The following TRERF1 variants were observed in gnomAD, a reference collection of about 807,000 sequenced individuals.
The protein encoded by TRERF1 is transcriptional regulating factor 1, also known as transcriptional-regulating factor 1.
A neutral mutation model predicts 122.9 loss-of-function variants in TRERF1; 27 were observed. That is an observed-to-expected ratio of 0.22 (90% CI 0.16 to 0.30). The LOEUF is 0.30. Among genes scored for constraint, TRERF1 ranks in the 10% least tolerant of loss-of-function variants. The probability of loss-of-function intolerance (pLI) is 1.00; values close to 1 mark genes in which losing one functional copy is unlikely to be tolerated. For missense variants in TRERF1, 1,248 were observed against 1,560.3 expected, an observed-to-expected ratio of 0.80 and a Z score of 3.37; for synonymous variants, 636 against 641.7, an observed-to-expected ratio of 0.99 and a Z score of 0.13.
At chr6:42,373,611 G>A (rs1415035742) in intron 2 of TRERF1, among the ~76,000 whole-genome samples, 2 of 152,154 alleles carry the variant, frequency 1.3e-5, no homozygotes, top group African/African-American at 2.4e-5. Context: ...AGCTTGCAGT[G>A]AGCCGAGATG....
At chr6:42,349,323 A>T (rs1393454519) in intron 3 of TRERF1, among the ~76,000 whole-genome samples, 3 of 151,656 alleles carry the variant, frequency 2.0e-5, no homozygotes, top group Non-Finnish European at 2.9e-5. Context: ...ATCTCAGCTG[A>T]GCCCTGGGTA....
At chr6:42,315,008 G>A (rs1762256531) in intron 3 of TRERF1, among the ~76,000 whole-genome samples, 1 of 152,242 alleles carries the variant, frequency 6.6e-6, no homozygotes, top group Non-Finnish European at 1.5e-5. Context: ...GCATGAAGAT[G>A]TGAGGAGAGA....
intron 3 of TRERF1, among the ~76,000 whole-genome samples, chr6:42,332,542 G>T (rs1765425796): frequency 6.6e-6 from 1 of 152,162 alleles, no homozygotes; most frequent in Admixed American, 6.5e-5. Flanking sequence ...AGCTTCCTTG[G>T]GCAGCAGTCT....
intron 4 of TRERF1, among the ~76,000 whole-genome samples, chr6:42,299,106 G>GTA (rs1561938676): frequency 8.7e-6 from 1 of 114,690 alleles, no homozygotes; most frequent in South Asian, 2.5e-4. Context: ...CTGTCTGTCT[G>GTA]TCTGTCTGTC....
intron 7 of TRERF1, 89 bp downstream of exon 7, chr6:42,264,615 T>C: frequency 6.5e-7 from 1 of 1,544,404 alleles, no homozygotes; most frequent in Non-Finnish European, 8.7e-7. Flanking sequence ...AGGTCCCGCA[T>C]GGGGCTCACA....
intron 2 of TRERF1, among the ~76,000 whole-genome samples, chr6:42,382,197 A>T (rs1311034659): frequency 6.6e-6 from 1 of 151,216 alleles, no homozygotes; most frequent in Admixed American, 6.6e-5. Flanking sequence ...TTGGACATGG[A>T]AGGCCACCCA....
rs1343646533 is a variant in TRERF1 at position 42,408,355 on chromosome 6, G to GTATA, written c.-454+42818_-454+42821dup. On this transcript the variant is annotated intron_variant, in intron 2 of 17. Coordinates refer to ENST00000372922, the Ensembl canonical transcript of TRERF1. ...TATATACATACACGTGTGTGTGTGT[G>GTATA]TATATATATATATATATCTTTTTTT... 2.1e-3 allele frequency among the ~76,000 whole-genome samples: 219 copies of GTATA among 102,468 alleles called. 6 individuals are homozygous for GTATA. Among genetic ancestry groups the GTATA allele is most frequent in the African/African-American group, 6.6e-3 (173 of 26,204 alleles). The allele number at this position is 102,468 out of a possible 152,430, so 67.2% of individuals were successfully genotyped here.
chr6:42,434,307 T>C (rs760764626), intron 2 of TRERF1, among the ~76,000 whole-genome samples: 2 of 151,710 alleles, frequency 1.3e-5, no homozygotes, highest in Non-Finnish European at 2.9e-5. Flanking sequence ...AGCCATGATT[T>C]ACAGATGCAC....
At chr6:42,369,252 C>T (rs1327159662) in intron 2 of TRERF1, among the ~76,000 whole-genome samples, 1 of 152,098 alleles carries the variant, frequency 6.6e-6, no homozygotes, top group Non-Finnish European at 1.5e-5. Context: ...GAGCTCCAGA[C>T]CAGCCTGGCC....
At chr6:42,397,048 T>C (rs1186189141) in intron 2 of TRERF1, among the ~76,000 whole-genome samples, 9 of 152,006 alleles carry the variant, frequency 5.9e-5, no homozygotes, top group Admixed American at 1.3e-4. Context: ...GACCCCAATA[T>C]AGAGAACAGA....
intron 3 of TRERF1, among the ~76,000 whole-genome samples, chr6:42,361,332 AT>A (rs1356739102): frequency 1.3e-5 from 2 of 152,236 alleles, no homozygotes; most frequent in Non-Finnish European, 2.9e-5. Flanking sequence ...CATCTATGGC[AT>A]TCTGTTATAA....
chr6:42,319,308 A>T (rs146791178), intron 3 of TRERF1, among the ~76,000 whole-genome samples: 1 of 152,224 alleles, frequency 6.6e-6, no homozygotes, highest in Non-Finnish European at 1.5e-5. Flanking sequence ...TACTGCCCCC[A>T]TTAAAGATGC....
chr6:42,339,202 G>A (rs901556178), intron 3 of TRERF1, among the ~76,000 whole-genome samples: 2 of 152,180 alleles, frequency 1.3e-5, no homozygotes, highest in African/African-American at 4.8e-5. Context: ...TGGTTTATGA[G>A]AAAATGTGTT....
chr6:42,241,476 T>C (rs1157177911), intron 15 of TRERF1, among the ~76,000 whole-genome samples: 2 of 152,188 alleles, frequency 1.3e-5, no homozygotes, highest in African/African-American at 4.8e-5. Context: ...AATTTTTTTT[T>C]TTCAGATGGA....
intron 3 of TRERF1, among the ~76,000 whole-genome samples, chr6:42,303,654 C>G (rs112809519): frequency 3.9e-5 from 6 of 152,274 alleles, no homozygotes; most frequent in African/African-American, 1.4e-4. Context: ...TGGGTCCCAC[C>G]TGTAATCCCA....
At chr6:42,377,625 T>TA in intron 2 of TRERF1, among the ~76,000 whole-genome samples, 1 of 152,328 alleles carries the variant, frequency 6.6e-6, no homozygotes, top group South Asian at 2.1e-4. Context: ...GCTTGGGCAG[T>TA]ATGAACATTT....
intron 3 of TRERF1, among the ~76,000 whole-genome samples, chr6:42,314,498 C>T (rs2150378339): frequency 6.6e-6 from 1 of 152,360 alleles, no homozygotes; most frequent in African/African-American, 2.4e-5. Context: ...CAATGCTAGG[C>T]ATTGTTCTCC....
chr6:42,302,615 T>A (rs1786420136), intron 3 of TRERF1, among the ~76,000 whole-genome samples: 1 of 152,238 alleles, frequency 6.6e-6, no homozygotes, highest in Non-Finnish European at 1.5e-5. Context: ...CAACAGAGTG[T>A]TTTTGAAGCA....
At chr6:42,236,520 G>A (rs1772246785) in intron 15 of TRERF1, 109 bp from the exon 16 acceptor site, 15 of 1,438,362 alleles carry the variant, frequency 1.0e-5, no homozygotes, top group Non-Finnish European at 1.4e-5. Context: ...TGCTGGCGCT[G>A]TGTTCCTTTC....
Sources: gnomAD v4.1 joint callset for allele counts (sites outside exome capture counted in the v4.1 genomes callset) on GRCh38, gnomAD v4.1.1 for gene constraint, MANE v1.5 for transcripts, NCBI Gene and HGNC (gene_info 2026-07-23, HGNC 2026-07-21) for gene names.